Variants in ROBO1 observed in about 807,000 individuals in gnomAD.
ROBO1 encodes roundabout guidance receptor 1.
ROBO1 carries 149 observed loss-of-function variants against 195.9 expected under a neutral mutation model. The observed-to-expected ratio is 0.76, with a 90% CI of 0.67 to 0.87. The LOEUF is 0.87. ROBO1 is among the 40% of genes least tolerant of loss of function. The pLI is 0.00. For synonymous variants in ROBO1, 816 were observed against 733.2 expected (o/e 1.11, Z -1.82); for missense variants, 1,933 against 2,068.3 (o/e 0.93, Z 1.27).
chr3:79,657,448 A>G (rs998584586), intron 1 of ROBO1, among the ~76,000 whole-genome samples: 27 of 152,238 alleles, frequency 1.8e-4, no homozygotes, highest in African/African-American at 5.3e-4. Flanking sequence ...GACTAATAAA[A>G]CACATGAATA....
At chr3:79,475,238 G>T (rs77052266) in intron 2 of ROBO1, among the ~76,000 whole-genome samples, 4,735 of 151,774 alleles carry the variant, frequency 0.031, 277 homozygotes, top group African/African-American at 0.11. Context: ...ATAAGGGTCA[G>T]AATCACAAAC....
At chr3:79,386,989 T>C (rs539943819) in intron 2 of ROBO1, among the ~76,000 whole-genome samples, 1 of 152,274 alleles carries the variant, frequency 6.6e-6, no homozygotes, top group Admixed American at 6.5e-5. Context: ...AATGGTGACT[T>C]GTCATATAGG....
At chr3:79,578,098 A>T (rs1001890962) in intron 2 of ROBO1, among the ~76,000 whole-genome samples, 1 of 152,110 alleles carries the variant, frequency 6.6e-6, no homozygotes, top group African/African-American at 2.4e-5. Flanking sequence ...AAATCACGAG[A>T]TACTACTTAC....
At chr3:78,711,350 CCT>C (rs2081699796) in intron 8 of ROBO1, among the ~76,000 whole-genome samples, 1 of 46,864 alleles carries the variant, frequency 2.1e-5, no homozygotes, top group Admixed American at 2.5e-4. Context: ...CTTCCTTCCT[CCT>C]TCCTTCCTTC....
At chr3:79,058,099 C>G (rs567467117) in intron 3 of ROBO1, among the ~76,000 whole-genome samples, 2 of 152,032 alleles carry the variant, frequency 1.3e-5, no homozygotes, top group African/African-American at 4.8e-5. Context: ...AGATACCCCA[C>G]ACTTTCAATA....
intron 2 of ROBO1, among the ~76,000 whole-genome samples, chr3:79,275,795 A>G (rs1324510792): frequency 6.6e-6 from 1 of 152,020 alleles, no homozygotes; most frequent in Non-Finnish European, 1.5e-5. Context: ...GCAGGATACG[A>G]TATCAACATA....
chr3:79,094,214 G>A (rs79940375), intron 3 of ROBO1, among the ~76,000 whole-genome samples: 60 of 152,138 alleles, frequency 3.9e-4, no homozygotes, highest in African/African-American at 1.4e-3. Flanking sequence ...CAGTATGACC[G>A]AACATCTTCT....
chr3:79,483,087 T>C (rs1042585931), intron 2 of ROBO1, among the ~76,000 whole-genome samples: 3 of 152,328 alleles, frequency 2.0e-5, no homozygotes, highest in African/African-American at 7.2e-5. Context: ...AGTTGTGTCA[T>C]GTAAAATATA....
chr3:79,665,010 ATAACT>A (rs1367381739), intron 1 of ROBO1, among the ~76,000 whole-genome samples: 1 of 152,032 alleles, frequency 6.6e-6, no homozygotes, highest in African/African-American at 2.4e-5. Context: ...TCTTACTGAA[ATAACT>A]TAAGCCACAT....
At chr3:79,740,050 G>A (rs1384117381) in intron 1 of ROBO1, among the ~76,000 whole-genome samples, 2 of 151,234 alleles carry the variant, frequency 1.3e-5, no homozygotes, top group Non-Finnish European at 2.9e-5. Flanking sequence ...CATTTCTGAA[G>A]TATATAAAAT....
chr3:79,667,433 C>T (rs1229920185), intron 1 of ROBO1, among the ~76,000 whole-genome samples: 5 of 151,630 alleles, frequency 3.3e-5, no homozygotes, highest in Admixed American at 1.3e-4. Context: ...TAACATTCTT[C>T]GGGTCTTTGT....
At chr3:79,464,034 A>G (rs1205418157) in intron 2 of ROBO1, among the ~76,000 whole-genome samples, 10 of 152,212 alleles carry the variant, frequency 6.6e-5, no homozygotes, top group Non-Finnish European at 1.0e-4. Context: ...TATACAGTAT[A>G]AAGTCTTTAT....
chr3:78,675,582 G>A (rs1708366623), intron 10 of ROBO1, among the ~76,000 whole-genome samples: 1 of 152,200 alleles, frequency 6.6e-6, no homozygotes, highest in Non-Finnish European at 1.5e-5. Context: ...AGCAGTCTGA[G>A]ATCAAACTGC....
intron 2 of ROBO1, among the ~76,000 whole-genome samples, chr3:79,240,047 TG>T (rs2082483614): frequency 6.6e-6 from 1 of 152,172 alleles, no homozygotes; most frequent in South Asian, 2.1e-4. Context: ...ATTTTTTTCT[TG>T]TGGTGAGAAT....
At chr3:79,378,831 G>A (rs996047769) in intron 2 of ROBO1, among the ~76,000 whole-genome samples, 2 of 152,174 alleles carry the variant, frequency 1.3e-5, no homozygotes, top group African/African-American at 2.4e-5. Context: ...ACAAGACAAC[G>A]AAAGAGCAAT....
chr3:79,593,136 C>T (rs760846408), intron 1 of ROBO1, among the ~76,000 whole-genome samples: 24 of 151,942 alleles, frequency 1.6e-4, no homozygotes, highest in Admixed American at 7.2e-4. Flanking sequence ...GGATGTACCA[C>T]GGTTTATTTA....
intron 2 of ROBO1, among the ~76,000 whole-genome samples, chr3:79,557,963 T>A (rs1176372590): frequency 6.6e-6 from 1 of 151,958 alleles, no homozygotes; most frequent in Non-Finnish European, 1.5e-5. Context: ...AGACATTGAG[T>A]GCTTCATTCA....
intron 1 of ROBO1, among the ~76,000 whole-genome samples, chr3:79,666,886 G>A (rs1243257482): frequency 6.6e-6 from 1 of 151,796 alleles, no homozygotes; most frequent in Non-Finnish European, 1.5e-5. Flanking sequence ...GGTGAAAATT[G>A]CACCATTAAG....
intron 1 of ROBO1, among the ~76,000 whole-genome samples, chr3:79,727,747 T>C (rs1250853890): frequency 7.2e-5 from 11 of 152,174 alleles, no homozygotes; most frequent in Admixed American, 7.2e-4. Flanking sequence ...TGCACCCTTT[T>C]AAAATCTCAG....
Sources: allele counts gnomAD v4.1 joint callset (sites outside exome capture counted in the v4.1 genomes callset), GRCh38; gene constraint gnomAD v4.1.1; transcripts MANE v1.5; gene names NCBI Gene and HGNC (gene_info 2026-07-23, HGNC 2026-07-21).